CCDC171: variants seen among roughly 807,000 people sequenced by gnomAD.
CCDC171 encodes the protein coiled-coil domain containing 171.
Under a neutral mutation model 168.2 loss-of-function variants are expected in CCDC171, and 177 were observed. That is an observed-to-expected ratio of 1.05 (90% CI 0.93 to 1.19). CCDC171 has a LOEUF of 1.19. Among genes scored for constraint, CCDC171 ranks in the 50% most tolerant of loss-of-function variants. CCDC171 has a pLI of 0.00. For synonymous variants in CCDC171, 687 were observed against 540.8 expected (o/e 1.27, Z -3.75); for missense variants, 1,991 against 1,539.0 (o/e 1.29, Z -4.91).
At chr9:15,836,655 T>A (rs2060463680) in intron 21 of CCDC171, among the ~76,000 whole-genome samples, 2 of 152,192 alleles carry the variant, frequency 1.3e-5, no homozygotes, top group East Asian at 1.9e-4. Flanking sequence ...CCGGCCGGTC[T>A]TGTTTTAAAG....
intron 2 of CCDC171, among the ~76,000 whole-genome samples, chr9:15,568,953 C>G (rs1453240816): frequency 2.0e-5 from 3 of 152,122 alleles, no homozygotes; most frequent in Admixed American, 2.0e-4. Flanking sequence ...TAGGCATCTT[C>G]GTCATGACAT....
intron 6 of CCDC171, among the ~76,000 whole-genome samples, chr9:15,619,119 T>C (rs564267549): frequency 6.6e-6 from 1 of 152,202 alleles, no homozygotes; most frequent in South Asian, 2.1e-4. Context: ...CTCCCTCTCG[T>C]CTGGCCTTCC....
chr9:16,096,359 C>T, the CCDC171 span, among the ~76,000 whole-genome samples: 2 of 152,208 alleles, frequency 1.3e-5, no homozygotes, highest in Non-Finnish European at 2.9e-5. Context: ...TTACCCCACA[C>T]CTCTGCACTC....
intron 6 of CCDC171, among the ~76,000 whole-genome samples, chr9:16,029,919 G>A (rs764385269): frequency 7.2e-5 from 11 of 152,288 alleles, no homozygotes; most frequent in African/African-American, 2.4e-4. Context: ...TTTATAAACT[G>A]GAATTTATTT....
intron 8 of CCDC171, among the ~76,000 whole-genome samples, chr9:16,036,974 C>A (rs768212411): frequency 5.3e-5 from 8 of 152,018 alleles, no homozygotes; most frequent in Non-Finnish European, 1.0e-4. Context: ...AAAAGTTGTG[C>A]TCATAGAAGT....
rs1481636561 is a variant in CCDC171, at chr9:15,561,359, A to T, written c.-111-2619A>T. On this transcript the variant is annotated intron_variant, in intron 1 of 25. Transcript: ENST00000380701. ...ATTGAATGTTTTCAAATGGAAAGTA[A>T]TATTTAGAGTTCAACAAATATTGAA... Among the ~76,000 whole-genome samples, 2 of 152,186 alleles carry T rather than the reference A, an allele frequency of 1.3e-5. 1 individual carries two copies. Among genetic ancestry groups the T allele is most frequent in the Non-Finnish European group, 2.9e-5 (2 of 68,012 alleles).
the CCDC171 span, among the ~76,000 whole-genome samples, chr9:16,095,072 C>G: frequency 2.6e-5 from 4 of 152,194 alleles, no homozygotes; most frequent in Admixed American, 6.5e-5. Context: ...TGAGGCCCCC[C>G]AGCCATGCTT....
chr9:15,891,376 A>G (rs1490181566), intron 24 of CCDC171, among the ~76,000 whole-genome samples: 1 of 152,106 alleles, frequency 6.6e-6, no homozygotes, highest in Non-Finnish European at 1.5e-5. Context: ...TTCTTTTTGC[A>G]CTAACACTAC....
chr9:15,871,340 G>A (rs1387467472), intron 23 of CCDC171, among the ~76,000 whole-genome samples: 2 of 151,738 alleles, frequency 1.3e-5, no homozygotes, highest in Admixed American at 6.6e-5. Context: ...ATTATAGGAT[G>A]AATAATAATG....
chr9:15,836,851 G>T (rs187738811), intron 21 of CCDC171, among the ~76,000 whole-genome samples: 1 of 152,302 alleles, frequency 6.6e-6, no homozygotes, highest in East Asian at 1.9e-4. Flanking sequence ...CAGTGGAACG[G>T]GAGAATATAC....
chr9:15,555,571 A>G (rs2038720636), intron 1 of CCDC171, among the ~76,000 whole-genome samples: 2 of 152,202 alleles, frequency 1.3e-5, no homozygotes, highest in South Asian at 2.1e-4. Flanking sequence ...TTGAGGGCCA[A>G]TAGCAAGGCA....
At chr9:16,105,463 C>G in the CCDC171 span, among the ~76,000 whole-genome samples, 3 of 151,992 alleles carry the variant, frequency 2.0e-5, no homozygotes, top group African/African-American at 7.3e-5. Context: ...CCCCCCCCTT[C>G]TCTTTTTCAG....
rs55976539 is a variant in CCDC171, at chr9:15,642,343, GTATATATATATATATATA to G, written c.823-14760_823-14743del. Among the ~76,000 whole-genome samples, 343 of 107,574 alleles carry G rather than the reference GTATATATATATATATATA, an allele frequency of 3.2e-3. 8 individuals carry two copies. The highest frequency in any genetic ancestry group is 0.015 in the African/African-American group (301 of 19,884). 70.6% of individuals were successfully genotyped at this position (107,574 alleles called of 152,430 possible). A position where few individuals can be genotyped will look rare whatever the true frequency, so the allele number is the denominator to read the frequency against. ...TATATATATATACACGTGTGTGTGT[GTATATATATATATATATA>G]TATATATATATATATATATATATGC... On this transcript the variant is annotated intron_variant, in intron 7 of 25. Coordinates refer to ENST00000380701, the MANE Select transcript of CCDC171 (RefSeq NM_173550.4).
intron 3 of CCDC171, among the ~76,000 whole-genome samples, chr9:16,004,132 T>C (rs752824645): frequency 3.9e-5 from 6 of 152,168 alleles, no homozygotes; most frequent in Non-Finnish European, 5.9e-5. Context: ...ATCTGAGATA[T>C]GATGGGAGCA....
intron 21 of CCDC171, among the ~76,000 whole-genome samples, chr9:15,806,815 G>A (rs1034657324): frequency 1.3e-5 from 2 of 152,070 alleles, no homozygotes; most frequent in Non-Finnish European, 2.9e-5. Context: ...CTTGAAATAT[G>A]TTTCCTGACT....
chr9:15,916,889 C>G (rs957410162), intron 24 of CCDC171, among the ~76,000 whole-genome samples: 1 of 151,932 alleles, frequency 6.6e-6, no homozygotes, highest in Non-Finnish European at 1.5e-5. Flanking sequence ...CACTGAGATA[C>G]AGATCTCACT....
rs1352521394 is a variant in CCDC171, at chr9:15,819,374, C to T, written c.3268-27328C>T. 1.7e-5 allele frequency among the ~76,000 whole-genome samples: 2 copies of T among 117,402 alleles called. 1 individual carries two copies. Among genetic ancestry groups the T allele is most frequent in the African/African-American group, 6.4e-5 (2 of 31,174 alleles). 77.0% of individuals were successfully genotyped at this position (117,402 alleles called of 152,430 possible). A position where few individuals can be genotyped will look rare whatever the true frequency, so the allele number is the denominator to read the frequency against. The stretch of plus-strand genomic sequence containing the variant: ...ACCTTAAATGTAAATGGGCTAAATG[C>T]TCCAATTAAAAGACACAGACTGGCA... On this transcript the variant is annotated intron_variant, in intron 21 of 25. Transcript: ENST00000380701.
intron 1 of CCDC171, chr9:16,060,593 A>G (rs1210297923): frequency 1.3e-5 from 2 of 152,266 alleles, no homozygotes; most frequent in African/African-American, 2.4e-5. Flanking sequence ...CTTCTGTGTC[A>G]GCCCCATTGA....
intron 25 of CCDC171, among the ~76,000 whole-genome samples, chr9:15,945,669 A>T (rs1281395748): frequency 4.9e-4 from 74 of 149,786 alleles, no homozygotes; most frequent in African/African-American, 1.6e-3. Context: ...TTGGCTGCAT[A>T]AATGTCTTCT....
Sources: allele counts gnomAD v4.1 joint callset (sites outside exome capture counted in the v4.1 genomes callset), GRCh38; gene constraint gnomAD v4.1.1; transcripts MANE v1.5; gene names NCBI Gene and HGNC (gene_info 2026-07-23, HGNC 2026-07-21).